The following PODXL variants were observed in gnomAD, a reference collection of about 807,000 sequenced individuals.
The protein encoded by PODXL is podocalyxin.
In PODXL, 20 loss-of-function variants were observed where a neutral mutation model predicts 48.9. The ratio of observed to expected loss-of-function variants is 0.41; its 90% CI spans 0.29 to 0.59. PODXL has a LOEUF of 0.59. PODXL is among the 20% of genes least tolerant of loss of function. The pLI, the probability that PODXL is intolerant of heterozygous loss-of-function variation, is 0.31. For missense variants in PODXL, 606 were observed against 675.1 expected (o/e 0.90, Z 1.13); for synonymous variants, 295 against 287.4 (o/e 1.03, Z -0.27).
chr7:131,505,913 G>A lies in PODXL; in HGVS notation c.1434C>T (p.Ala478=). 2 of 1,583,992 alleles carry A rather than the reference G, an allele frequency of 1.3e-6. No individual in the cohort carries two copies. The highest frequency in any genetic ancestry group is 1.8e-5 in the Admixed American group (1 of 54,438). The change falls in exon 8 of 9, where the codon GCC becomes GCT. Residue 478 remains alanine (A), a synonymous_variant. Transcript: ENST00000378555. ...GGCGCTGGTGGCAGCAGCCATAGAG[G>A]GCCGCCACGAGGAGCAGGAATGATG... ...CMASFLLLVA[A]LYGCCHQRLS...
chr7:131,517,922 G>A lies in PODXL; in HGVS notation c.101-6489C>T, dbSNP rs574382794. Among the ~76,000 whole-genome samples the A allele has an allele frequency of 6.6e-5, 10 of 152,124 alleles. No homozygotes were observed. The South Asian group carries it at 8.3e-4, about 13-fold the overall frequency. ...CCAGGCTAATTTTTGTATTTTTAACGGAGATGTGGTTTCACCATGTTGGCC... is the reference window on the plus strand; with the variant it reads ...CCAGGCTAATTTTTGTATTTTTAACAGAGATGTGGTTTCACCATGTTGGCC... On this transcript the variant is annotated intron_variant, in intron 1 of 8. Transcript: ENST00000378555.
chr7:131,545,391 G>A (rs1798558952), intron 1 of PODXL, among the ~76,000 whole-genome samples: 2 of 152,186 alleles, frequency 1.3e-5, no homozygotes, highest in South Asian at 4.1e-4. Context: ...TATAGCTAAC[G>A]CTTTTCCAGC....
intron 3 of PODXL, 141 bp from the exon 4 acceptor site, chr7:131,509,726 A>T: frequency 1.9e-6 from 1 of 539,874 alleles, no homozygotes; most frequent in Non-Finnish European, 3.2e-6. Flanking sequence ...CTCCTATGAC[A>T]AGCCAGTGGA....
chr7:131,536,275 T>G (rs1798372310), intron 1 of PODXL, among the ~76,000 whole-genome samples: 1 of 152,184 alleles, frequency 6.6e-6, no homozygotes. Flanking sequence ...AATCTGAAAG[T>G]TCCACAATCC....
At chr7:131,517,059 A>C (rs1239472748) in intron 1 of PODXL, among the ~76,000 whole-genome samples, 1 of 152,088 alleles carries the variant, frequency 6.6e-6, no homozygotes, top group East Asian at 1.9e-4. Context: ...TGCATCCTAT[A>C]ATTGATAGTG....
chr7:131,512,549 G>C (rs1285320138), intron 1 of PODXL, among the ~76,000 whole-genome samples: 2 of 152,182 alleles, frequency 1.3e-5, no homozygotes, highest in Non-Finnish European at 2.9e-5. Flanking sequence ...AGGGAAAGCT[G>C]CTGACAGAAG....
At position 131,511,054 on chromosome 7, in the gene PODXL, C is replaced by G. The variant is rs560608639; in HGVS notation, c.480G>C (p.Gly160=). The G allele has an allele frequency of 3.0e-5, 49 of 1,613,840 alleles. No homozygotes were observed. The highest frequency in any genetic ancestry group is 4.2e-5 in the Non-Finnish European group (49 of 1,179,968). Residue 160 remains glycine, a synonymous_variant, in exon 2 of 9, where the codon GGG becomes GGC. Transcript: ENST00000378555. ...CTGTGGTCACACTGTGGCTGCTTTT[C>G]CCCCCAGAGTTTGTTGTATCTTCTG... is the stretch of plus-strand genomic sequence containing the variant. ...NGAEDTTNSG[G]KSSHSVTTDL...
At chr7:131,508,800 C>A in intron 5 of PODXL, 151 bp downstream of exon 5, 1 of 676,532 alleles carries the variant, frequency 1.5e-6, no homozygotes, top group Non-Finnish European at 2.7e-6. Flanking sequence ...GGGAAAGGAC[C>A]ACTTCCTACT....
At chr7:131,518,309 A>C (rs1310353486) in intron 1 of PODXL, among the ~76,000 whole-genome samples, 1 of 152,200 alleles carries the variant, frequency 6.6e-6, no homozygotes, top group Non-Finnish European at 1.5e-5. Context: ...TTTAAAGAGA[A>C]AGTAATGTAT....
intron 1 of PODXL, among the ~76,000 whole-genome samples, chr7:131,550,759 GCGCACATGCACACACATACATGCA>G (rs1050621422): frequency 2.6e-5 from 4 of 152,116 alleles, no homozygotes; most frequent in Non-Finnish European, 4.4e-5. Context: ...TGACACGTAT[GCGCACATGCACACACATACATGCA>G]CGCACACACA....
chr7:131,521,615 G>A (rs969957945), intron 1 of PODXL, among the ~76,000 whole-genome samples: 2 of 152,170 alleles, frequency 1.3e-5, no homozygotes, highest in African/African-American at 4.8e-5. Flanking sequence ...TTACAGACGT[G>A]AGCCACCACA....
Position 131,510,285 on chromosome 7 carries a change from C to G in PODXL, c.753G>C (p.Leu251=), listed in dbSNP as rs750145167. 35 of 384,772 alleles carry G rather than the reference C, an allele frequency of 9.1e-5. No homozygotes were observed. The highest frequency in any genetic ancestry group is 6.2e-4 in the South Asian group (35 of 56,872). The allele number at this position is 384,772 out of a possible 1,614,324, so 23.8% of individuals were successfully genotyped here. A position where few individuals can be genotyped will look rare whatever the true frequency, so the allele number is the denominator to read the frequency against. ...HHVSQAGLEL[L]TSGDLPTLAS... is the part of the protein sequence containing the mutation. ...CCAAGGTGGGCAGATCACCCGAGGT[C>G]AGGAGTTCAAGACCAGCCTGGCTGA... Residue 251 remains leucine, a synonymous_variant, in exon 3 of 9, where the codon CTG becomes CTC. Transcript: ENST00000378555.
At chr7:131,522,314 T>C (rs1798104656) in intron 1 of PODXL, among the ~76,000 whole-genome samples, 1 of 152,072 alleles carries the variant, frequency 6.6e-6, no homozygotes, top group Admixed American at 6.5e-5. Flanking sequence ...TAGCCAGGCT[T>C]GGTGGCACAT....
intron 1 of PODXL, among the ~76,000 whole-genome samples, chr7:131,540,336 A>G (rs1359789287): frequency 2.6e-5 from 4 of 152,130 alleles, no homozygotes; most frequent in African/African-American, 7.2e-5. Flanking sequence ...AGTGAGCCAC[A>G]GTGTCTGGCC....
In PODXL at chr7:131,505,944, C is replaced by T; in HGVS notation, c.1403G>A (p.Cys468Tyr). ...CACGAGGAGCAGGAATGATGCCATG[C>T]AGACGATGGTGATGATGAGGGGCAT... ...FSMPLIITIV[C>Y]MASFLLLVAA... Residue 468 changes from cysteine to tyrosine, a missense_variant, in exon 8 of 9, where the codon TGC becomes TAC. Coordinates refer to ENST00000378555, the MANE Select transcript of PODXL (RefSeq NM_001018111.3). 6.2e-7 allele frequency: 1 copy of T among 1,605,092 alleles called. No individual in the cohort carries two copies. Among genetic ancestry groups the T allele is most frequent in the Middle Eastern group, 1.7e-4 (1 of 6,052 alleles).
intron 8 of PODXL, 26 bp downstream of exon 8, chr7:131,505,842 C>G (rs781774908): frequency 1.9e-6 from 3 of 1,542,362 alleles, no homozygotes; most frequent in Non-Finnish European, 2.6e-6. Flanking sequence ...GCTGCTTCCC[C>G]TGTGTGGCTG....
chr7:131,538,568 T>A (rs2116848471), intron 1 of PODXL, among the ~76,000 whole-genome samples: 1 of 152,282 alleles, frequency 6.6e-6, no homozygotes, highest in South Asian at 2.1e-4. Context: ...TTCTTTGGAA[T>A]GACTCATGAC....
At chr7:131,547,394 A>AAAAAAAAAAAC in intron 1 of PODXL, among the ~76,000 whole-genome samples, 1 of 151,566 alleles carries the variant, frequency 6.6e-6, no homozygotes, top group Non-Finnish European at 1.5e-5. Context: ...AAAAAAAAAA[A>AAAAAAAAAAAC]AAAATCAACA....
At position 131,504,475 on chromosome 7, in the gene PODXL, T is replaced by C. The variant is rs1310120941; in HGVS notation, c.1513A>G (p.Asn505Asp). The change falls in exon 9 of 9, where the codon AAT becomes GAT. Residue 505 changes from asparagine (N) to aspartate (D), a missense_variant. Coordinates refer to ENST00000378555, the MANE Select transcript of PODXL (RefSeq NM_001018111.3). The part of the protein sequence containing the change: ...RLTEELQTVE[N>D]GYHDNPTLEV... ...AGTGTTGGGTTGTCATGGTAACCAT[T>C]CTCCACTGTCTGCAGCTCCTCTGTT... 1 of 1,614,138 alleles carries C rather than the reference T, an allele frequency of 6.2e-7. No individual in the cohort carries two copies. The highest frequency in any genetic ancestry group is 8.5e-7 in the Non-Finnish European group (1 of 1,180,006).
Sources: gnomAD v4.1 joint callset for allele counts (sites outside exome capture counted in the v4.1 genomes callset) on GRCh38, gnomAD v4.1.1 for gene constraint, MANE v1.5 for transcripts, NCBI Gene and HGNC (gene_info 2026-07-23, HGNC 2026-07-21) for gene names.